Variants in VAV3 observed in about 807,000 individuals in gnomAD.
VAV3 encodes the protein guanine nucleotide exchange factor VAV3.
A neutral mutation model predicts 131.2 loss-of-function variants in VAV3; 94 were observed. That is an observed-to-expected ratio of 0.72 (90% CI 0.61 to 0.85). VAV3 has a LOEUF of 0.85. Ranked by LOEUF, VAV3 falls within the 40% of genes least tolerant of loss-of-function variation. VAV3 has a pLI of 0.00. For missense variants in VAV3, 939 were observed against 1,002.7 expected (o/e 0.94, Z 0.86); for synonymous variants, 349 against 342.0 (o/e 1.02, Z -0.22).
intron 15 of VAV3, among the ~76,000 whole-genome samples, chr1:107,734,896 C>G (rs1034754959): frequency 7.2e-5 from 11 of 152,228 alleles, no homozygotes; most frequent in African/African-American, 2.4e-4. Flanking sequence ...CAAATCAACA[C>G]AATATACATT....
At chr1:107,943,806 G>A (rs1038080578) in intron 1 of VAV3, among the ~76,000 whole-genome samples, 1 of 152,198 alleles carries the variant, frequency 6.6e-6, no homozygotes, top group Non-Finnish European at 1.5e-5. Flanking sequence ...CTAGAGCCTT[G>A]ACTGAAATAC....
intron 1 of VAV3, among the ~76,000 whole-genome samples, chr1:107,941,394 G>A (rs1571169517): frequency 6.6e-6 from 1 of 152,044 alleles, no homozygotes; most frequent in East Asian, 1.9e-4. Context: ...AATTGCTTTG[G>A]GCTGTAAAAA....
In VAV3 at chr1:107,719,894, T is replaced by A. The variant is rs1286138286; in HGVS notation, c.1503-14833A>T. 2.6e-5 allele frequency among the ~76,000 whole-genome samples: 4 copies of A among 151,776 alleles called. No homozygotes were observed. In the East Asian group the frequency reaches 7.7e-4, roughly 29 times the overall value. ...CTATGCAGCCATTAAAAAGGATGAG[T>A]TCATGTCCTTTGTAGCAACATGGAT... On this transcript the variant is annotated intron_variant, in intron 15 of 26. Transcript: ENST00000370056.
At chr1:107,866,361 T>C (rs1999487) in intron 2 of VAV3, among the ~76,000 whole-genome samples, 49,556 of 151,938 alleles carry the variant, frequency 0.33, 8,425 homozygotes, top group African/African-American at 0.4. Context: ...CCCCTGGTGA[T>C]AAACCCATGA....
At chr1:107,907,655 G>T (rs111399031) in intron 1 of VAV3, among the ~76,000 whole-genome samples, 1 of 151,884 alleles carries the variant, frequency 6.6e-6, no homozygotes, top group Non-Finnish European at 1.5e-5. Flanking sequence ...TCTCGTGTGC[G>T]TGCGTTCTCT....
intron 10 of VAV3, among the ~76,000 whole-genome samples, chr1:107,760,416 C>A (rs1203616240): frequency 6.6e-6 from 1 of 152,114 alleles, no homozygotes; most frequent in Non-Finnish European, 1.5e-5. Flanking sequence ...GGGAAGAGGT[C>A]TAATATGATT....
intron 2 of VAV3, among the ~76,000 whole-genome samples, chr1:107,789,425 T>C (rs1320458946): frequency 6.6e-6 from 1 of 152,180 alleles, no homozygotes; most frequent in Non-Finnish European, 1.5e-5. Flanking sequence ...TGTCCCAGCC[T>C]CAGGACTGCT....
intron 25 of VAV3, among the ~76,000 whole-genome samples, chr1:107,593,094 T>C (rs1333818330): frequency 2.0e-5 from 3 of 152,070 alleles, no homozygotes; most frequent in South Asian, 4.1e-4. Flanking sequence ...TAAAATCCCA[T>C]CACTCTGGGA....
At chr1:107,908,108 C>T (rs1672190237) in intron 1 of VAV3, among the ~76,000 whole-genome samples, 1 of 152,098 alleles carries the variant, frequency 6.6e-6, no homozygotes, top group African/African-American at 2.4e-5. Context: ...TTTCACAGTG[C>T]CTGGAAGCCT....
intron 24 of VAV3, among the ~76,000 whole-genome samples, chr1:107,597,194 T>C (rs1203357333): frequency 1.3e-5 from 2 of 151,098 alleles, no homozygotes; most frequent in East Asian, 3.9e-4. Context: ...TATTCAATGT[T>C]TCTATTGGAG....
intron 2 of VAV3, among the ~76,000 whole-genome samples, chr1:107,862,950 A>C (rs572431996): frequency 6.6e-6 from 1 of 152,290 alleles, no homozygotes; most frequent in East Asian, 1.9e-4. Context: ...TACCAAAAAA[A>C]CCCAACCAAG....
chr1:107,706,679 T>C (rs955788337), intron 15 of VAV3, among the ~76,000 whole-genome samples: 1 of 152,196 alleles, frequency 6.6e-6, no homozygotes, highest in Non-Finnish European at 1.5e-5. Flanking sequence ...AAGCCATGCA[T>C]TGAAAACTCC....
In VAV3 at chr1:107,687,705, A is replaced by T. The variant is rs1042200309; in HGVS notation, c.1731+676T>A. On this transcript the variant is annotated intron_variant, in intron 18 of 26. Transcript: ENST00000370056. The stretch of plus-strand genomic sequence containing the variant: ...TAAACAACATCAAACAACACCATTG[A>T]CAGTATTTTCAACAGGAAAGTATTT... Among the ~76,000 whole-genome samples the T allele has an allele frequency of 1.2e-4, 19 of 152,320 alleles. No individual in the cohort carries two copies. In the East Asian group the frequency reaches 3.3e-3, roughly 26 times the overall value.
In VAV3 at chr1:107,887,673, T is replaced by C. The variant is rs17020273; in HGVS notation, c.205-12656A>G. ...TAATTTTCAGTTCTAAACCCTTGGT[T>C]ACTGTTCACAGAAAGCCAGGGTGTA... is the stretch of plus-strand genomic sequence containing the variant. On this transcript the variant is annotated intron_variant, in intron 1 of 26. Coordinates refer to ENST00000370056, the MANE Select transcript of VAV3 (RefSeq NM_006113.5). 2.7e-3 allele frequency among the ~76,000 whole-genome samples: 410 copies of C among 152,286 alleles called. 17 individuals carry two copies. In the East Asian group the frequency reaches 0.071, roughly 26 times the overall value.
At chr1:107,914,188 AG>A (rs753110115) in intron 1 of VAV3, among the ~76,000 whole-genome samples, 2 of 152,266 alleles carry the variant, frequency 1.3e-5, no homozygotes, top group Non-Finnish European at 2.9e-5. Context: ...ATGGCTAATG[AG>A]TACAGAAATC....
chr1:107,785,768 A>C, intron 2 of VAV3: 2 of 474,972 alleles, frequency 4.2e-6, no homozygotes, highest in Non-Finnish European at 5.6e-6. Context: ...AGCTAGAGGC[A>C]CCCCAGAGAC....
chr1:107,948,335 G>A (rs982938722), intron 1 of VAV3, among the ~76,000 whole-genome samples: 3 of 150,718 alleles, frequency 2.0e-5, no homozygotes, highest in African/African-American at 7.3e-5. Flanking sequence ...AAAAAAAATT[G>A]TAAGAGAATA....
At chr1:107,749,142 A>T in intron 14 of VAV3, 65 bp from the exon 15 acceptor site, 1 of 1,204,254 alleles carries the variant, frequency 8.3e-7, no homozygotes, top group Non-Finnish European at 1.2e-6. Flanking sequence ...AATTCACAAG[A>T]ATACCACAAC....
chr1:107,948,206 C>T (rs1006496880), intron 1 of VAV3, among the ~76,000 whole-genome samples: 15 of 152,116 alleles, frequency 9.9e-5, no homozygotes, highest in African/African-American at 3.4e-4. Context: ...CTCACCTTTA[C>T]GGATTCCCCT....
Sources: gnomAD v4.1 joint callset for allele counts (sites outside exome capture counted in the v4.1 genomes callset) on GRCh38, gnomAD v4.1.1 for gene constraint, MANE v1.5 for transcripts, NCBI Gene and HGNC (gene_info 2026-07-23, HGNC 2026-07-21) for gene names.